FMN1: variants seen among roughly 807,000 people sequenced by gnomAD.
FMN1 encodes formin-1.
A neutral mutation model predicts 132.4 loss-of-function variants in FMN1; 110 were observed. The observed-to-expected ratio is 0.83, with a 90% CI of 0.71 to 0.97. FMN1 has a LOEUF of 0.97. FMN1 is among the 50% of genes least tolerant of loss of function. The pLI is 0.00. For missense variants in FMN1, 1,792 were observed against 1,705.3 expected (o/e 1.05, Z -0.90); for synonymous variants, 722 against 651.7 (o/e 1.11, Z -1.64).
intron 6 of FMN1, among the ~76,000 whole-genome samples, chr15:33,061,809 G>A (rs2037496645): frequency 6.6e-6 from 1 of 151,912 alleles, no homozygotes; most frequent in African/African-American, 2.4e-5. Context: ...GAATTAATTA[G>A]CAATTTAGAA....
At chr15:32,995,608 T>C (rs2033718437) in intron 7 of FMN1, among the ~76,000 whole-genome samples, 1 of 152,220 alleles carries the variant, frequency 6.6e-6, no homozygotes, top group African/African-American at 2.4e-5. Context: ...ATTACCATCA[T>C]TACTAAATGA....
chr15:32,898,795 G>T, intron 15 of FMN1, 39 bp downstream of exon 15: 1 of 1,311,628 alleles, frequency 7.6e-7, no homozygotes, highest in Non-Finnish European at 1.1e-6. Context: ...TCAACAATGA[G>T]TAAGAGGTGA....
At chr15:32,880,304 GATTTAGTTTGTTTTCT>G (rs2059738291) in intron 16 of FMN1, among the ~76,000 whole-genome samples, 1 of 151,582 alleles carries the variant, frequency 6.6e-6, no homozygotes, top group African/African-American at 2.4e-5. Context: ...TTTTTTTTCT[GATTTAGTTTGTTTTCT>G]ATGAGCTTAA....
rs2059940627 is a variant in FMN1, at chr15:32,888,218, A to C, written c.3789T>G (p.Phe1263Leu). ...QDFFLASQVK[F>L]EDLIKDLRKL... is the part of the protein sequence containing the mutation. ...TTCTCAAATCTTTTATGAGGTCTTC[A>C]AACTTGACTTGGGAGGCCAGAAAGA... The change falls in exon 16 of 21, where the codon TTT (phenylalanine) becomes TTG (leucine). Residue 1263 changes from phenylalanine (F) to leucine (L), a missense_variant. Physicochemically the swap from Phe to Leu is conservative, Grantham distance 22 (BLOSUM62 0). Coordinates refer to ENST00000616417, the MANE Select transcript of FMN1 (RefSeq NM_001277313.2). The C allele has an allele frequency of 1.2e-6, 2 of 1,613,324 alleles. No homozygotes were observed. Among genetic ancestry groups the C allele is most frequent in the Non-Finnish European group, 1.7e-6 (2 of 1,179,566 alleles).
At chr15:32,968,156 TA>T (rs1474455054) in intron 8 of FMN1, among the ~76,000 whole-genome samples, 1 of 152,194 alleles carries the variant, frequency 6.6e-6, no homozygotes, top group Non-Finnish European at 1.5e-5. Context: ...ACTTAGCAGT[TA>T]AAAGAAACAG....
chr15:32,871,100 C>G (rs1029460821), intron 16 of FMN1, among the ~76,000 whole-genome samples: 7 of 152,078 alleles, frequency 4.6e-5, no homozygotes, highest in Admixed American at 4.6e-4. Context: ...CATGGAGGTA[C>G]CGGGCCTCTG....
chr15:33,123,761 A>C lies in FMN1; in HGVS notation c.1867+29287T>G, dbSNP rs11072242. ...CTCCATTTGGCCTTTTGGCTCCACTACGTAAAGTTTCTTAGTTAGAACTTC... is the reference window on the plus strand; with the variant it reads ...CTCCATTTGGCCTTTTGGCTCCACTCCGTAAAGTTTCTTAGTTAGAACTTC... On this transcript the variant is annotated intron_variant, in intron 4 of 20. Transcript: ENST00000616417. Among the ~76,000 whole-genome samples the C allele has an allele frequency of 5.9e-3, 895 of 152,258 alleles. 5 individuals carry two copies. Among genetic ancestry groups the C allele is most frequent in the African/African-American group, 0.021 (868 of 41,548 alleles).
intron 5 of FMN1, among the ~76,000 whole-genome samples, chr15:33,071,053 G>A (rs1167903865): frequency 2.6e-5 from 4 of 152,154 alleles, no homozygotes; most frequent in African/African-American, 9.7e-5. Flanking sequence ...ACCACACACA[G>A]CGAGGTGCAA....
chr15:33,065,688 A>G (rs2037692159), intron 5 of FMN1, among the ~76,000 whole-genome samples: 2 of 152,182 alleles, frequency 1.3e-5, no homozygotes, highest in Admixed American at 1.3e-4. Flanking sequence ...CATTTTTAAC[A>G]TTTTAACTGA....
chr15:32,825,329 G>A (rs1371622371), intron 17 of FMN1, among the ~76,000 whole-genome samples: 1 of 152,160 alleles, frequency 6.6e-6, no homozygotes, highest in African/African-American at 2.4e-5. Flanking sequence ...GATCTTCAGG[G>A]CCCTGCCTAG....
chr15:32,956,744 C>A (rs1567460259), intron 9 of FMN1, among the ~76,000 whole-genome samples: 1 of 152,154 alleles, frequency 6.6e-6, no homozygotes. Context: ...AAAAAACTAA[C>A]GCACATTCCT....
At chr15:33,055,144 C>G (rs1015057530) in intron 6 of FMN1, among the ~76,000 whole-genome samples, 1 of 152,142 alleles carries the variant, frequency 6.6e-6, no homozygotes, top group African/African-American at 2.4e-5. Context: ...ATAATCTATT[C>G]TCTCTGAAGC....
At chr15:33,181,330 T>C (rs767926026) in intron 2 of FMN1, among the ~76,000 whole-genome samples, 9 of 152,206 alleles carry the variant, frequency 5.9e-5, no homozygotes, top group Non-Finnish European at 8.8e-5. Flanking sequence ...GCTCCATAAC[T>C]GTCACTTTTT....
At chr15:33,119,158 G>A (rs1388117363) in intron 4 of FMN1, among the ~76,000 whole-genome samples, 1 of 152,180 alleles carries the variant, frequency 6.6e-6, no homozygotes, top group African/African-American at 2.4e-5. Flanking sequence ...CTTCTATTCT[G>A]ATGATCTAGT....
At chr15:32,819,788 T>C (rs867141988) in intron 17 of FMN1, among the ~76,000 whole-genome samples, 7 of 152,126 alleles carry the variant, frequency 4.6e-5, no homozygotes, top group South Asian at 2.1e-4. Context: ...CGAGGAAAAA[T>C]GACTCACAGT....
chr15:32,893,453 A>AGC (rs1343971937), intron 15 of FMN1, among the ~76,000 whole-genome samples: 2 of 152,274 alleles, frequency 1.3e-5, no homozygotes, highest in Non-Finnish European at 2.9e-5. Flanking sequence ...CTCTTATGAA[A>AGC]GCTGCTTAAT....
chr15:33,019,714 T>C (rs1313730810), intron 6 of FMN1, among the ~76,000 whole-genome samples: 2 of 152,198 alleles, frequency 1.3e-5, no homozygotes, highest in East Asian at 1.9e-4. Context: ...CCGCAGCTGC[T>C]TGCCTGAGTG....
At chr15:33,104,115 TAC>T (rs1449035900) in intron 4 of FMN1, among the ~76,000 whole-genome samples, 3 of 152,242 alleles carry the variant, frequency 2.0e-5, no homozygotes, top group Non-Finnish European at 2.9e-5. Flanking sequence ...CTTTTATCAA[TAC>T]AGTCAAGTGC....
intron 7 of FMN1, among the ~76,000 whole-genome samples, chr15:32,981,954 A>G (rs1472297950): frequency 1.3e-5 from 2 of 152,228 alleles, no homozygotes; most frequent in Admixed American, 1.3e-4. Context: ...TCTAAGCCAC[A>G]CAGGGAAAAA....
Sources: allele counts gnomAD v4.1 joint callset (sites outside exome capture counted in the v4.1 genomes callset), GRCh38; gene constraint gnomAD v4.1.1; transcripts MANE v1.5; gene names NCBI Gene and HGNC (gene_info 2026-07-23, HGNC 2026-07-21).